The following CD160 variants were observed in gnomAD, a reference collection of about 807,000 sequenced individuals.
CD160 encodes the protein CD160 antigen.
CD160 carries 11 observed loss-of-function variants against 19.2 expected under a neutral mutation model. The observed-to-expected ratio is 0.57, with a 90% CI of 0.36 to 0.95. CD160 has a LOEUF of 0.95. Ranked by LOEUF, CD160 falls within the 40% of genes least tolerant of loss-of-function variation. The probability of loss-of-function intolerance (pLI) is 0.01; values close to 1 mark genes in which losing one functional copy is unlikely to be tolerated. For missense variants in CD160, 182 were observed against 213.2 expected (o/e 0.85, Z 0.91); for synonymous variants, 75 against 81.1 (o/e 0.93, Z 0.40).
intron 1 of CD160, among the ~76,000 whole-genome samples, chr1:145,724,296 G>A (rs1263075956): frequency 6.6e-6 from 1 of 151,828 alleles, no homozygotes; most frequent in African/African-American, 2.4e-5. Flanking sequence ...AAGTTTCTTG[G>A]GTTTTCTAGA....
chr1:145,733,828 T>C (rs1330416715), intron 4 of CD160, among the ~76,000 whole-genome samples: 1 of 152,068 alleles, frequency 6.6e-6, no homozygotes, highest in African/African-American at 2.4e-5. Context: ...TTACTCTCTC[T>C]CCCTAGTTCT....
At chr1:145,736,315 A>C (rs782462037) in intron 5 of CD160, 181 bp downstream of exon 5, 3 of 1,534,592 alleles carry the variant, frequency 2.0e-6, no homozygotes, top group African/African-American at 2.7e-5. Flanking sequence ...AAAGGCACTA[A>C]GGAGGAAGAC....
intron 4 of CD160, among the ~76,000 whole-genome samples, chr1:145,734,400 A>T (rs1469058087): frequency 2.6e-5 from 4 of 152,202 alleles, no homozygotes; most frequent in African/African-American, 9.6e-5. Flanking sequence ...TACATGCCAC[A>T]TCACTCAAAG....
At chr1:145,725,847 TATAAA>T (rs1657032748) in intron 2 of CD160, among the ~76,000 whole-genome samples, 1 of 151,964 alleles carries the variant, frequency 6.6e-6, no homozygotes, top group Non-Finnish European at 1.5e-5. Context: ...AAATCAGAGA[TATAAA>T]ATAGAAAAGG....
intron 1 of CD160, among the ~76,000 whole-genome samples, chr1:145,723,922 G>T: frequency 6.6e-6 from 1 of 152,134 alleles, no homozygotes; most frequent in Non-Finnish European, 1.5e-5. Flanking sequence ...ATGCTGCAGT[G>T]AATATCCTTG....
intron 5 of CD160, chr1:145,738,178 T>C (rs1199102887): frequency 4.1e-5 from 9 of 216,998 alleles, no homozygotes; most frequent in African/African-American, 1.8e-4. Context: ...TTCAGAGCTA[T>C]ACGTGGAAAA....
intron 4 of CD160, among the ~76,000 whole-genome samples, chr1:145,733,162 C>T (rs1657360709): frequency 1.3e-5 from 2 of 152,106 alleles, no homozygotes; most frequent in South Asian, 2.1e-4. Flanking sequence ...GAGACAGACT[C>T]TCACTCTGTG....
chr1:145,728,237 G>C lies in CD160; in HGVS notation c.-72-19G>C. 1.1e-6 allele frequency: 1 copy of C among 880,366 alleles called. No individual in the cohort carries two copies. Among genetic ancestry groups the C allele is most frequent in the East Asian group, 2.5e-5 (1 of 40,332 alleles). 54.5% of individuals were successfully genotyped at this position (880,366 alleles called of 1,614,324 possible). Reference sequence around the variant, plus strand: ...GAACCCTGGAAGGCTTTGTCTAGTGGGTCCCCCTGTGCTTTTAGGAGACTG... The same window carrying C: ...GAACCCTGGAAGGCTTTGTCTAGTGCGTCCCCCTGTGCTTTTAGGAGACTG... On this transcript the variant is annotated intron_variant, in intron 2 of 5. Transcript: ENST00000369288.
intron 5 of CD160, 158 bp from the exon 6 acceptor site, chr1:145,738,328 T>C (rs1553710532): frequency 1.9e-5 from 8 of 429,368 alleles, no homozygotes; most frequent in Non-Finnish European, 2.5e-5. Context: ...AGTAATAAGA[T>C]GCAATACATA....
At chr1:145,730,606 T>C (rs1657248394) in intron 3 of CD160, 138 bp from the exon 4 acceptor site, 6 of 660,808 alleles carry the variant, frequency 9.1e-6, no homozygotes, top group Non-Finnish European at 1.6e-5. Context: ...AGCTGGAATT[T>C]GTATTTCCTG....
intron 1 of CD160, among the ~76,000 whole-genome samples, 157 bp from the exon 2 acceptor site, chr1:145,724,644 T>C (rs1656980779): frequency 6.6e-6 from 1 of 152,228 alleles, no homozygotes; most frequent in Non-Finnish European, 1.5e-5. Context: ...TATCCAGTAG[T>C]ATGTTAATTA....
intron 5 of CD160, chr1:145,736,409 CT>C (rs1657498353): frequency 3.0e-6 from 2 of 662,818 alleles, no homozygotes; most frequent in Non-Finnish European, 4.8e-6. Context: ...GTACAACTAC[CT>C]CTACTCACTG....
At chr1:145,728,470 G>A (rs1657144851) in intron 3 of CD160, 70 bp downstream of exon 3, 2 of 911,628 alleles carry the variant, frequency 2.2e-6, no homozygotes, top group Non-Finnish European at 3.5e-6. Flanking sequence ...GCTGGATCCC[G>A]TGATTTTCTC....
chr1:145,724,990 C>T (rs587674602), intron 2 of CD160, 84 bp downstream of exon 2: 2 of 152,106 alleles, frequency 1.3e-5, no homozygotes, highest in East Asian at 3.9e-4. Context: ...TCTCAAACTC[C>T]TGGGCTCAAG....
intron 4 of CD160, among the ~76,000 whole-genome samples, chr1:145,731,492 G>A (rs9658847): frequency 0.023 from 3,538 of 152,172 alleles, 157 homozygotes; most frequent in African/African-American, 0.081. Context: ...CCAACATGGA[G>A]AAACCCTGTC....
At chr1:145,725,177 T>C (rs1320231111) in intron 2 of CD160, among the ~76,000 whole-genome samples, 1 of 151,688 alleles carries the variant, frequency 6.6e-6, no homozygotes, top group Admixed American at 6.6e-5. Context: ...CCCAGCACTT[T>C]GGGAGGCCAA....
intron 5 of CD160, 113 bp from the exon 6 acceptor site, chr1:145,738,373 C>T: frequency 1.8e-6 from 1 of 571,208 alleles, no homozygotes; most frequent in Non-Finnish European, 2.9e-6. Context: ...AATCCCTTTA[C>T]AGTCATGAGG....
chr1:145,738,790 GT>G lies in CD160; in HGVS notation c.*302del. The stretch of plus-strand genomic sequence containing the variant: ...CCTCAAATATCGGATAAATATATGC[GT>G]TTTTGTACCCCAGAAAAACTTTTCC... On this transcript the variant is annotated 3_prime_UTR_variant, in exon 6 of 6. Coordinates refer to ENST00000369288, the MANE Select transcript of CD160 (RefSeq NM_007053.4). The G allele has an allele frequency of 3.9e-6, 1 of 257,938 alleles. No homozygotes were observed. Among genetic ancestry groups the G allele is most frequent in the Non-Finnish European group, 7.3e-6 (1 of 136,396 alleles). The allele number at this position is 257,938 out of a possible 1,614,324, so 16.0% of individuals were successfully genotyped here. A position where few individuals can be genotyped will look rare whatever the true frequency, so the allele number is the denominator to read the frequency against.
intron 2 of CD160, among the ~76,000 whole-genome samples, chr1:145,725,785 A>C (rs587686695): frequency 2.6e-4 from 40 of 152,264 alleles, no homozygotes; most frequent in African/African-American, 8.7e-4. Flanking sequence ...CATTATTACC[A>C]TTATTATTTA....
Sources: allele counts gnomAD v4.1 joint callset (sites outside exome capture counted in the v4.1 genomes callset), GRCh38; gene constraint gnomAD v4.1.1; transcripts MANE v1.5; gene names NCBI Gene and HGNC (gene_info 2026-07-23, HGNC 2026-07-21).